FHOD3: variants seen among roughly 807,000 people sequenced by gnomAD.
FHOD3 encodes formin homology 2 domain containing 3.
A neutral mutation model predicts 173.0 loss-of-function variants in FHOD3; 90 were observed. The ratio of observed to expected loss-of-function variants is 0.52; its 90% CI spans 0.44 to 0.62. FHOD3 has a LOEUF of 0.62. FHOD3 is among the 20% of genes least tolerant of loss of function. The pLI is 0.00. For synonymous variants in FHOD3, 828 were observed against 823.0 expected (o/e 1.01, Z -0.10); for missense variants, 1,945 against 2,034.7 (o/e 0.96, Z 0.85).
chr18:36,693,280 G>C lies in FHOD3; in HGVS notation c.2093G>C (p.Gly698Ala). 6.2e-7 allele frequency: 1 copy of C among 1,613,844 alleles called. No individual in the cohort carries two copies. The highest frequency in any genetic ancestry group is 8.5e-7 in the Non-Finnish European group (1 of 1,179,840). The change falls in exon 17 of 29, where the codon GGC becomes GCC. Residue 698 changes from glycine (G) to alanine (A), a missense_variant. Transcript: ENST00000590592. ...KELRSRSVSR[G>A]RADLSLDLTS... ...CTGAGAAGCCGGAGTGTGAGCCGGG[G>C]CAGAGCCGACCTCTCCTTGGACCTG...
chr18:36,463,585 G>A (rs1568305462), intron 3 of FHOD3, among the ~76,000 whole-genome samples: 1 of 145,314 alleles, frequency 6.9e-6, no homozygotes, highest in Non-Finnish European at 1.5e-5. Flanking sequence ...TGCAACCTCT[G>A]TCTCCCTGCC....
Position 36,508,667 on chromosome 18 carries a change from T to C in FHOD3, c.406-3771T>C, listed in dbSNP as rs554388371. On this transcript the variant is annotated intron_variant, in intron 4 of 28. Transcript: ENST00000590592. The stretch of plus-strand genomic sequence containing the variant: ...TTGACAAAAAAAAAAAAAAAACAGG[T>C]GAAAGATGCTAGCAAACTAGCTTAC... Among the ~76,000 whole-genome samples the C allele has an allele frequency of 6.2e-5, 9 of 145,656 alleles. No individual in the cohort carries two copies. In the East Asian group the frequency reaches 1.6e-3, roughly 26 times the overall value.
intron 3 of FHOD3, among the ~76,000 whole-genome samples, chr18:36,405,028 G>T (rs1230783604): frequency 6.6e-6 from 1 of 152,182 alleles, no homozygotes; most frequent in Non-Finnish European, 1.5e-5. Context: ...AGGTGACCAG[G>T]GCTGAGAACC....
intron 1 of FHOD3, among the ~76,000 whole-genome samples, chr18:36,306,233 A>T (rs1237885481): frequency 6.6e-6 from 1 of 152,178 alleles, no homozygotes; most frequent in Non-Finnish European, 1.5e-5. Context: ...CAAGTGGTGG[A>T]GAGTGTGGAG....
Position 36,769,379 on chromosome 18 carries a change from G to A in FHOD3, c.4739G>A (p.Arg1580Gln), listed in dbSNP as rs758908752. The A allele has an allele frequency of 1.9e-6, 3 of 1,614,134 alleles. No individual in the cohort carries two copies. The East Asian group carries it at 6.7e-5, about 36-fold the overall frequency. Residue 1580 changes from arginine to glutamine, a missense_variant, in exon 28 of 29, where the codon CGA becomes CAA. Coordinates refer to ENST00000590592, the MANE Select transcript of FHOD3 (RefSeq NM_001281740.3). Reference protein sequence around the residue: ...VKSATQVPSQRVVPRERKRSR... With the variant: ...VKSATQVPSQQVVPRERKRSR... ...TCAGCCACCCAAGTGCCCAGTCAGC[G>A]AGTGGTGCCGAGGGAGAGGAAACGA...
At chr18:36,688,428 A>C (rs2038764557) in intron 16 of FHOD3, among the ~76,000 whole-genome samples, 1 of 152,222 alleles carries the variant, frequency 6.6e-6, no homozygotes, top group Admixed American at 6.5e-5. Flanking sequence ...AGATGCTTAG[A>C]TCAACCTCTT....
chr18:36,756,066 C>T (rs1300127273), intron 25 of FHOD3, among the ~76,000 whole-genome samples: 2 of 152,150 alleles, frequency 1.3e-5, no homozygotes, highest in Non-Finnish European at 2.9e-5. Context: ...GGATGCATGA[C>T]GATGCCAGAG....
intron 1 of FHOD3, among the ~76,000 whole-genome samples, chr18:36,345,034 A>G (rs1012366948): frequency 1.3e-5 from 2 of 152,220 alleles, no homozygotes; most frequent in African/African-American, 4.8e-5. Context: ...GGAAAAATAG[A>G]AAAATTCACA....
chr18:36,767,423 G>C (rs1018617752), intron 27 of FHOD3, among the ~76,000 whole-genome samples: 13 of 152,142 alleles, frequency 8.5e-5, no homozygotes, highest in Non-Finnish European at 2.9e-5. Context: ...GGGTTCAAGA[G>C]ATTCTCCTGC....
intron 1 of FHOD3, among the ~76,000 whole-genome samples, chr18:36,330,294 C>G (rs1465194581): frequency 6.6e-6 from 1 of 152,146 alleles, no homozygotes. Flanking sequence ...AACAAAGCAT[C>G]TGAGAGAAAA....
At chr18:36,649,516 C>T in intron 11 of FHOD3, 111 bp downstream of exon 11, 1 of 729,886 alleles carries the variant, frequency 1.4e-6, no homozygotes, top group Non-Finnish European at 2.2e-6. Flanking sequence ...CTCCCACTTG[C>T]AAACTCTTAC....
chr18:36,458,057 G>A (rs1483847863), intron 3 of FHOD3, among the ~76,000 whole-genome samples: 1 of 152,158 alleles, frequency 6.6e-6, no homozygotes, highest in Non-Finnish European at 1.5e-5. Flanking sequence ...GAGGAGAGGA[G>A]TAGGTGGCTT....
chr18:36,579,283 C>A (rs1422811111), intron 6 of FHOD3, among the ~76,000 whole-genome samples: 1 of 152,138 alleles, frequency 6.6e-6, no homozygotes, highest in Non-Finnish European at 1.5e-5. Flanking sequence ...ATTAAGATAT[C>A]TTTATGGTTT....
intron 14 of FHOD3, among the ~76,000 whole-genome samples, chr18:36,678,966 G>T (rs1468996067): frequency 2.0e-5 from 3 of 151,882 alleles, no homozygotes; most frequent in Admixed American, 6.6e-5. Context: ...TCTTCTTTAT[G>T]TTGTCTGAAA....
intron 17 of FHOD3, among the ~76,000 whole-genome samples, chr18:36,695,623 A>C (rs550506721): frequency 4.6e-5 from 7 of 152,214 alleles, no homozygotes; most frequent in Non-Finnish European, 1.0e-4. Context: ...CCAAATCAGC[A>C]AGAGCAAACA....
intron 15 of FHOD3, among the ~76,000 whole-genome samples, chr18:36,682,209 C>T (rs1364373019): frequency 2.0e-5 from 3 of 152,154 alleles, no homozygotes; most frequent in African/African-American, 7.2e-5. Context: ...CTGTTCTCCA[C>T]ATTCTCCAGG....
chr18:36,617,409 G>T (rs894816462), intron 9 of FHOD3, among the ~76,000 whole-genome samples: 5 of 152,068 alleles, frequency 3.3e-5, no homozygotes, highest in African/African-American at 1.2e-4. Context: ...ATGCCCTTTT[G>T]CTCAGCAGTT....
intron 2 of FHOD3, among the ~76,000 whole-genome samples, chr18:36,362,301 G>A (rs1191485273): frequency 1.3e-5 from 2 of 152,200 alleles, no homozygotes; most frequent in African/African-American, 2.4e-5. Flanking sequence ...TGGGGAGGGA[G>A]GGGGCTGGGA....
chr18:36,356,213 G>C (rs575264466), intron 2 of FHOD3, among the ~76,000 whole-genome samples: 20 of 152,334 alleles, frequency 1.3e-4, no homozygotes, highest in African/African-American at 4.1e-4. Context: ...ATAGTAGATA[G>C]TTTTATACGG....
Sources: gnomAD v4.1 joint callset for allele counts (sites outside exome capture counted in the v4.1 genomes callset) on GRCh38, gnomAD v4.1.1 for gene constraint, MANE v1.5 for transcripts, NCBI Gene and HGNC (gene_info 2026-07-23, HGNC 2026-07-21) for gene names.